Variants in ZBBX observed in about 807,000 individuals in gnomAD.
ZBBX encodes the protein zinc finger B-box domain-containing protein 1.
ZBBX carries 101 observed loss-of-function variants against 108.5 expected under a neutral mutation model. That is an observed-to-expected ratio of 0.93 (90% CI 0.79 to 1.10). The LOEUF is 1.10. Ranked by LOEUF, ZBBX falls within the 50% of genes least tolerant of loss-of-function variation. The pLI, the probability that ZBBX is intolerant of heterozygous loss-of-function variation, is 0.00. For missense variants in ZBBX, 1,009 were observed against 941.4 expected, an observed-to-expected ratio of 1.07 and a Z score of -0.94; for synonymous variants, 356 against 323.4, an observed-to-expected ratio of 1.10 and a Z score of -1.08.
At chr3:167,333,715 A>G (rs936115583) in intron 10 of ZBBX, 112 bp downstream of exon 10, 9 of 980,176 alleles carry the variant, frequency 9.2e-6, no homozygotes, top group African/African-American at 8.2e-5. Flanking sequence ...CATATGAAAT[A>G]AAAATGTGAT....
chr3:167,280,066 T>G (rs556863319), intron 20 of ZBBX, among the ~76,000 whole-genome samples: 1 of 151,956 alleles, frequency 6.6e-6, no homozygotes, highest in African/African-American at 2.4e-5. Context: ...TGAAACTGGA[T>G]CCCTTCCTTA....
the ZBBX span, among the ~76,000 whole-genome samples, chr3:167,223,744 G>C: frequency 6.6e-6 from 1 of 151,696 alleles, no homozygotes; most frequent in South Asian, 2.1e-4. Flanking sequence ...GTTTTTTCTG[G>C]TCCAGGTTCA....
chr3:167,275,867 T>C (rs1340933317), intron 20 of ZBBX, among the ~76,000 whole-genome samples: 1 of 152,214 alleles, frequency 6.6e-6, no homozygotes, highest in Non-Finnish European at 1.5e-5. Context: ...CTCTGCAGAC[T>C]TAAATGTCCC....
rs192601556 is a variant in ZBBX at position 167,283,159 on chromosome 3, C to T, written c.1997-664G>A. 2.9e-3 allele frequency among the ~76,000 whole-genome samples: 446 copies of T among 152,256 alleles called. 6 individuals carry two copies. The highest frequency in any genetic ancestry group is 0.011 in the South Asian group (52 of 4,816). ...CATTGTTCCTCTAGGACAGTCGCTA[C>T]TTTGTCTTCACCTGTTTTGAAAGTT... On this transcript the variant is annotated intron_variant, in intron 19 of 21. Coordinates refer to ENST00000675490, the MANE Select transcript of ZBBX (RefSeq NM_001199201.2).
At chr3:167,331,838 C>A (rs1224190054) in intron 10 of ZBBX, among the ~76,000 whole-genome samples, 2 of 152,030 alleles carry the variant, frequency 1.3e-5, no homozygotes, top group Non-Finnish European at 1.5e-5. Flanking sequence ...GTAACTTGCC[C>A]AATATTACAA....
the ZBBX span, among the ~76,000 whole-genome samples, chr3:167,187,379 G>A: frequency 2.0e-5 from 3 of 152,132 alleles, no homozygotes; most frequent in African/African-American, 7.2e-5. Context: ...TAGCTCATGG[G>A]ATATTGGTAG....
chr3:167,276,637 C>T (rs1321240111), intron 20 of ZBBX, among the ~76,000 whole-genome samples: 16 of 152,150 alleles, frequency 1.1e-4, no homozygotes, highest in East Asian at 1.9e-4. Flanking sequence ...CTGAAAGTGA[C>T]GGGGAGAACG....
chr3:167,310,925 G>C (rs1734471334), intron 16 of ZBBX, among the ~76,000 whole-genome samples: 2 of 152,224 alleles, frequency 1.3e-5, no homozygotes, highest in Non-Finnish European at 2.9e-5. Context: ...TTCCCAACTT[G>C]ATCTATAGAT....
chr3:167,364,402 T>C lies in ZBBX; in HGVS notation c.273+1484A>G, dbSNP rs75040974. On this transcript the variant is annotated intron_variant, in intron 6 of 21. Transcript: ENST00000675490. ...TTTTCCAAAAATGTTCTCCTTTACT[T>C]TCGTCCTTATAACATTGAACTACTT... 3.4e-3 allele frequency among the ~76,000 whole-genome samples: 510 copies of C among 152,102 alleles called. 2 individuals are homozygous for C. Among genetic ancestry groups the C allele is most frequent in the African/African-American group, 0.01 (425 of 41,542 alleles).
intron 16 of ZBBX, among the ~76,000 whole-genome samples, chr3:167,309,668 T>C (rs755092066): frequency 6.6e-6 from 1 of 152,256 alleles, no homozygotes; most frequent in Non-Finnish European, 1.5e-5. Flanking sequence ...GTCTTGAGGG[T>C]GAACAGAGCA....
chr3:167,383,221 C>CA (rs1747804477), upstream of ZBBX, among the ~76,000 whole-genome samples: 1 of 152,008 alleles, frequency 6.6e-6, no homozygotes, highest in South Asian at 2.1e-4. Flanking sequence ...CTTTTATAGG[C>CA]AAAAGTTTGT....
chr3:167,406,650 T>C (rs1025348831), intron 1 of ZBBX, among the ~76,000 whole-genome samples: 1 of 152,200 alleles, frequency 6.6e-6, no homozygotes. Context: ...AAACATTTTC[T>C]CCTTAGAATA....
chr3:167,282,218 G>GAA lies in ZBBX; in HGVS notation c.2254+18_2254+19dup. ...AGAGTTAATTAGCATTATCTAAAGT[G>GAA]AAAAAAAAAATAGGATTACCTGCAA... On this transcript the variant is annotated intron_variant, in intron 20 of 21. Coordinates refer to ENST00000675490, the MANE Select transcript of ZBBX (RefSeq NM_001199201.2). 7 of 1,414,628 alleles carry GAA rather than the reference G, an allele frequency of 4.9e-6. No individual in the cohort carries two copies. The highest frequency in any genetic ancestry group is 2.7e-5 in the South Asian group (2 of 75,328). The allele number at this position is 1,414,628 out of a possible 1,614,324, so 87.6% of individuals were successfully genotyped here.
chr3:167,236,219 G>T (rs1720225697), downstream of ZBBX, among the ~76,000 whole-genome samples: 1 of 151,604 alleles, frequency 6.6e-6, no homozygotes, highest in Non-Finnish European at 1.5e-5. Flanking sequence ...TATATATCTA[G>T]CTTTTAACAT....
intron 11 of ZBBX, among the ~76,000 whole-genome samples, chr3:167,323,279 A>G (rs1355891649): frequency 6.8e-6 from 1 of 147,298 alleles, no homozygotes; most frequent in Admixed American, 6.9e-5. Flanking sequence ...TGCTGTCTAG[A>G]TGTTAGAGAA....
At chr3:167,386,864 A>T (rs559891678) in intron 1 of ZBBX, among the ~76,000 whole-genome samples, 7 of 152,210 alleles carry the variant, frequency 4.6e-5, no homozygotes, top group African/African-American at 1.4e-4. Context: ...GAGGCACAAA[A>T]CAAGAGTTAC....
rs527510746 is a variant in ZBBX, at chr3:167,362,598, C to T, written c.274-1875G>A. Among the ~76,000 whole-genome samples the T allele has an allele frequency of 6.6e-5, 10 of 152,202 alleles. No individual in the cohort carries two copies. In the South Asian group the frequency reaches 1.5e-3, roughly 22 times the overall value. ...TTCCGTGGATCTTCTATTAAATAGT[C>T]ATTTATGTATCTTATGCTTTAAACC... On this transcript the variant is annotated intron_variant, in intron 6 of 21. Coordinates refer to ENST00000675490, the MANE Select transcript of ZBBX (RefSeq NM_001199201.2).
the ZBBX span, among the ~76,000 whole-genome samples, chr3:167,229,132 A>G: frequency 6.6e-6 from 1 of 151,776 alleles, no homozygotes; most frequent in Admixed American, 6.6e-5. Flanking sequence ...ATAAAACTAA[A>G]TGATCATCAA....
Position 167,328,055 on chromosome 3 carries a change from T to A in ZBBX, c.749A>T (p.Glu250Val), listed in dbSNP as rs200184871. The A allele has an allele frequency of 6.2e-7, 1 of 1,613,924 alleles. No individual in the cohort carries two copies. Among genetic ancestry groups the A allele is most frequent in the African/African-American group, 1.3e-5 (1 of 75,026 alleles). ...RTKPRKSLLC[E>V]GSFDEEASAQ... Reference sequence around the variant, plus strand: ...AGAAGCTTCTTCATCGAATGACCCTTCACACAACAGACTCTTTCTTGGTTT... The same window carrying A: ...AGAAGCTTCTTCATCGAATGACCCTACACACAACAGACTCTTTCTTGGTTT... The change falls in exon 11 of 22, where the codon GAA (glutamate) becomes GTA (valine). Residue 250 changes from glutamate to valine, a missense_variant. Transcript: ENST00000675490.
Sources: gnomAD v4.1 joint callset for allele counts (sites outside exome capture counted in the v4.1 genomes callset) on GRCh38, gnomAD v4.1.1 for gene constraint, MANE v1.5 for transcripts, NCBI Gene and HGNC (gene_info 2026-07-23, HGNC 2026-07-21) for gene names.